The following KBTBD11 variants were observed in gnomAD, a reference collection of about 807,000 sequenced individuals.
The protein encoded by KBTBD11 is kelch repeat and BTB domain-containing protein 11.
For synonymous variants in KBTBD11, 747 were observed against 499.0 expected, an observed-to-expected ratio of 1.50 and a Z score of -6.63; for missense variants, 1,390 against 1,001.8, an observed-to-expected ratio of 1.39 and a Z score of -5.23.
intron 1 of KBTBD11, among the ~76,000 whole-genome samples, chr8:1,995,791 G>A (rs1563373880): frequency 6.6e-6 from 1 of 152,206 alleles, no homozygotes. Flanking sequence ...TTAGGAGGCC[G>A]AGGCAGGTGG....
chr8:1,994,309 A>C (rs1372265233), intron 1 of KBTBD11, among the ~76,000 whole-genome samples: 1 of 152,218 alleles, frequency 6.6e-6, no homozygotes, highest in Admixed American at 6.5e-5. Context: ...CAATGCTCAG[A>C]ACTGCGCAGA....
intron 1 of KBTBD11, among the ~76,000 whole-genome samples, chr8:1,985,408 C>T (rs1816677357): frequency 6.6e-6 from 1 of 152,278 alleles, no homozygotes; most frequent in African/African-American, 2.4e-5. Context: ...GGGGTTCCCC[C>T]TCGGGAATTC....
Position 2,002,352 on chromosome 8 carries a change from C to G in KBTBD11, c.1160C>G (p.Pro387Arg), listed in dbSNP as rs1459030148. Reference sequence around the variant, plus strand: ...TCCGACCAGGTCTTCTGCTACAACCCGGCCACGGACAGCTGGAGCGCCGTG... The same window carrying G: ...TCCGACCAGGTCTTCTGCTACAACCGGGCCACGGACAGCTGGAGCGCCGTG... ...RPSDQVFCYN[P>R]ATDSWSAVRP... Residue 387 changes from proline (P) to arginine (R), a missense_variant, in exon 2 of 2, where the codon CCG becomes CGG. Transcript: ENST00000320248. The surrounding 1 kb of genome is among the most constrained non-coding windows in gnomAD (Gnocchi z 4.1). The G allele has an allele frequency of 2.7e-6, 4 of 1,467,422 alleles. No individual in the cohort carries two copies. Among genetic ancestry groups the G allele is most frequent in the Non-Finnish European group, 3.6e-6 (4 of 1,115,262 alleles). 90.9% of individuals were successfully genotyped at this position (1,467,422 alleles called of 1,614,324 possible). A position where few individuals can be genotyped will look rare whatever the true frequency, so the allele number is the denominator to read the frequency against.
In KBTBD11 at chr8:2,001,100, G is replaced by C. The variant is rs1405005912; in HGVS notation, c.-93G>C. The stretch of plus-strand genomic sequence containing the variant: ...CTGATCGCGTGCCAGGAAAAGCTGT[G>C]AGGCTGGAAACCCCGGAGTAAGGCT... On this transcript the variant is annotated 5_prime_UTR_variant, in exon 2 of 2. Coordinates refer to ENST00000320248, the MANE Select transcript of KBTBD11 (RefSeq NM_014867.3). The C allele has an allele frequency of 7.9e-7, 1 of 1,260,816 alleles. No individual in the cohort carries two copies. The highest frequency in any genetic ancestry group is 1.0e-6 in the Non-Finnish European group (1 of 1,003,038). 78.1% of individuals were successfully genotyped at this position (1,260,816 alleles called of 1,614,324 possible). A position where few individuals can be genotyped will look rare whatever the true frequency, so the allele number is the denominator to read the frequency against.
In KBTBD11 at chr8:1,983,019, G is replaced by T. The variant is rs370758259; in HGVS notation, c.-909+9084G>T. ...GGGATTACAGGCATGAGCCAGGTGG[G>T]CTCTTTTGATGTCCTGGGTGAGGCT... On this transcript the variant is annotated intron_variant, in intron 1 of 1. Transcript: ENST00000320248. 2.6e-5 allele frequency among the ~76,000 whole-genome samples: 4 copies of T among 152,246 alleles called. No individual in the cohort carries two copies. The East Asian group carries it at 5.8e-4, about 22-fold the overall frequency.
chr8:2,003,264 A>G lies in KBTBD11; in HGVS notation c.*200A>G. On this transcript the variant is annotated 3_prime_UTR_variant, in exon 2 of 2. Transcript: ENST00000320248. ...TGCTTGTCTTTGCTTCTGGGGGTGG[A>G]TGCCTTGAGACCCAGGAGGTGTGCG... 1 of 813,218 alleles carries G rather than the reference A, an allele frequency of 1.2e-6. No individual in the cohort carries two copies. The highest frequency in any genetic ancestry group is 1.7e-6 in the Non-Finnish European group (1 of 596,294). 50.4% of individuals were successfully genotyped at this position (813,218 alleles called of 1,614,324 possible).
At chr8:1,984,802 A>G (rs997446055) in intron 1 of KBTBD11, among the ~76,000 whole-genome samples, 1 of 152,116 alleles carries the variant, frequency 6.6e-6, no homozygotes, top group Non-Finnish European at 1.5e-5. Flanking sequence ...TCATTAAACG[A>G]AAGTGGCAGC....
At position 2,001,765 on chromosome 8, in the gene KBTBD11, C is replaced by T. The variant is rs1169004564; in HGVS notation, c.573C>T (p.Ala191=). The T allele has an allele frequency of 2.3e-6, 3 of 1,291,590 alleles. No homozygotes were observed. The highest frequency in any genetic ancestry group is 9.8e-7 in the Non-Finnish European group (1 of 1,022,552). 80.0% of individuals were successfully genotyped at this position (1,291,590 alleles called of 1,614,324 possible). The change falls in exon 2 of 2, where the codon GCC becomes GCT. Residue 191 remains alanine (A), a synonymous_variant. Coordinates refer to ENST00000320248, the MANE Select transcript of KBTBD11 (RefSeq NM_014867.3). ...LTALRLLLAD[A]YSGRMAGVRP... is the part of the protein sequence containing the mutation. ...CGCTGCGGCTGCTCCTCGCCGACGC[C>T]TACAGCGGGCGCATGGCGGGCGTGC...
Position 1,989,463 on chromosome 8 carries a change from A to T in KBTBD11, c.-908-10822A>T, listed in dbSNP as rs181023441. 1.4e-4 allele frequency among the ~76,000 whole-genome samples: 21 copies of T among 152,278 alleles called. No homozygotes were observed. In the East Asian group the frequency reaches 3.9e-3, roughly 28 times the overall value. On this transcript the variant is annotated intron_variant, in intron 1 of 1. Transcript: ENST00000320248. ...GTTGACCGCACACTTCTGTGCAAGG[A>T]CATCTCATTCCTCTTCTACTTTCAA...
At position 2,001,579 on chromosome 8, in the gene KBTBD11, A is replaced by G; in HGVS notation, c.387A>G (p.Val129=). The change falls in exon 2 of 2, where the codon GTA becomes GTG. Residue 129 remains valine (V), a synonymous_variant. Coordinates refer to ENST00000320248, the MANE Select transcript of KBTBD11 (RefSeq NM_014867.3). ...SPEEPGEPAP[V]PPGFGAVYGE... is the part of the protein sequence containing the mutation. The stretch of plus-strand genomic sequence containing the variant: ...AGGAGCCCGGGGAGCCCGCGCCCGT[A>G]CCCCCGGGGTTCGGGGCGGTGTACG... 6.9e-7 allele frequency: 1 copy of G among 1,447,184 alleles called. No homozygotes were observed. The highest frequency in any genetic ancestry group is 9.0e-7 in the Non-Finnish European group (1 of 1,105,882). 89.6% of individuals were successfully genotyped at this position (1,447,184 alleles called of 1,614,324 possible).
At chr8:1,976,663 G>A (rs951672955) in intron 1 of KBTBD11, among the ~76,000 whole-genome samples, 2 of 152,098 alleles carry the variant, frequency 1.3e-5, no homozygotes, top group African/African-American at 2.4e-5. Context: ...CAGCTGAGAC[G>A]TTAATACAGT....
intron 1 of KBTBD11, chr8:1,974,261 C>T (rs898224593): frequency 6.1e-6 from 6 of 977,680 alleles, no homozygotes; most frequent in African/African-American, 3.5e-5. Flanking sequence ...GCGGGGTCTC[C>T]ACAGGCCCTC....
intron 1 of KBTBD11, among the ~76,000 whole-genome samples, chr8:1,980,564 G>C (rs1452102995): frequency 6.6e-6 from 1 of 152,238 alleles, no homozygotes; most frequent in Non-Finnish European, 1.5e-5. Flanking sequence ...TGAAGCTACA[G>C]CCTCTGCCTC....
chr8:1,996,941 C>T (rs978676373), intron 1 of KBTBD11, among the ~76,000 whole-genome samples: 2 of 151,646 alleles, frequency 1.3e-5, no homozygotes, highest in Admixed American at 6.6e-5. Context: ...TTTAATTAGC[C>T]CTTGTTCTTA....
chr8:2,001,560 C>A lies in KBTBD11; in HGVS notation c.368C>A (p.Pro123His). ...GAGGACCCCGCGTCCCCCGAGGAGC[C>A]CGGGGAGCCCGCGCCCGTACCCCCG... ...WLEDPASPEE[P>H]GEPAPVPPGF... Residue 123 changes from proline (P) to histidine (H), a missense_variant, in exon 2 of 2, where the codon CCC (proline) becomes CAC (histidine). Coordinates refer to ENST00000320248, the MANE Select transcript of KBTBD11 (RefSeq NM_014867.3). 1 of 1,433,632 alleles carries A rather than the reference C, an allele frequency of 7.0e-7. No individual in the cohort carries two copies. Among genetic ancestry groups the A allele is most frequent in the Non-Finnish European group, 9.1e-7 (1 of 1,096,784 alleles). The allele number at this position is 1,433,632 out of a possible 1,614,324, so 88.8% of individuals were successfully genotyped here.
intron 1 of KBTBD11, among the ~76,000 whole-genome samples, chr8:1,999,417 TGTC>T (rs1469721139): frequency 6.6e-6 from 1 of 152,240 alleles, no homozygotes; most frequent in Admixed American, 6.5e-5. Flanking sequence ...ATGGTTGTGT[TGTC>T]CACATTCTTT....
chr8:1,979,458 C>A (rs143474205), intron 1 of KBTBD11, among the ~76,000 whole-genome samples: 1,532 of 152,216 alleles, frequency 0.01, 22 homozygotes, highest in African/African-American at 0.034. Flanking sequence ...GGTGAAACCC[C>A]GTCTCTACTA....
In KBTBD11 at chr8:2,002,175, A is replaced by C; in HGVS notation, c.983A>C (p.Tyr328Ser). 8.1e-7 allele frequency: 1 copy of C among 1,237,838 alleles called. No homozygotes were observed. Among genetic ancestry groups the C allele is most frequent in the Non-Finnish European group, 1.0e-6 (1 of 993,246 alleles). The allele number at this position is 1,237,838 out of a possible 1,614,324, so 76.7% of individuals were successfully genotyped here. A position where few individuals can be genotyped will look rare whatever the true frequency, so the allele number is the denominator to read the frequency against. Residue 328 changes from tyrosine (Y) to serine (S), a missense_variant, in exon 2 of 2, where the codon TAC becomes TCC. Tyr to Ser is a moderately radical substitution (Grantham distance 144). Coordinates refer to ENST00000320248, the MANE Select transcript of KBTBD11 (RefSeq NM_014867.3). The surrounding 1 kb of genome is among the most constrained non-coding windows in gnomAD (Gnocchi z 4.1). ...GACGCGCGCGGGGACGCGGCCGTCT[A>C]CTGCTTCCACGCGGCGGCCGGAGAG... ...DADARGDAAVYCFHAAAGEWR... is the reference protein window; with the variant it reads ...DADARGDAAVSCFHAAAGEWR...
Position 2,001,584 on chromosome 8 carries a change from C to G in KBTBD11, c.392C>G (p.Pro131Arg). ...EEPGEPAPVP[P>R]GFGAVYGEPD... ...CCCGGGGAGCCCGCGCCCGTACCCC[C>G]GGGGTTCGGGGCGGTGTACGGGGAG... Residue 131 changes from proline to arginine, a missense_variant, in exon 2 of 2, where the codon CCG becomes CGG. Coordinates refer to ENST00000320248, the MANE Select transcript of KBTBD11 (RefSeq NM_014867.3). 1 of 1,455,104 alleles carries G rather than the reference C, an allele frequency of 6.9e-7. No homozygotes were observed. Among genetic ancestry groups the G allele is most frequent in the Non-Finnish European group, 9.0e-7 (1 of 1,109,480 alleles). The allele number at this position is 1,455,104 out of a possible 1,614,324, so 90.1% of individuals were successfully genotyped here.
Sources: allele counts gnomAD v4.1 joint callset (sites outside exome capture counted in the v4.1 genomes callset), GRCh38; gene constraint gnomAD v4.1.1; non-coding constraint Gnocchi (gnomAD v3.1); transcripts MANE v1.5; gene names NCBI Gene and HGNC (gene_info 2026-07-23, HGNC 2026-07-21).